The following ATXN7L1 variants were observed in gnomAD, a reference collection of about 807,000 sequenced individuals.
ATXN7L1 encodes ataxin-7-like protein 1.
A neutral mutation model predicts 70.8 loss-of-function variants in ATXN7L1; 15 were observed. The observed-to-expected ratio is 0.21, with a 90% confidence interval of 0.14 to 0.33. ATXN7L1 has a LOEUF of 0.33. Among genes scored for constraint, ATXN7L1 ranks in the 10% least tolerant of loss-of-function variants. The pLI is 1.00. For missense variants in ATXN7L1, 975 were observed against 1,097.1 expected (o/e 0.89, Z 1.57); for synonymous variants, 440 against 445.1 (o/e 0.99, Z 0.14).
intron 3 of ATXN7L1, among the ~76,000 whole-genome samples, chr7:105,740,820 G>A (rs941685508): frequency 6.4e-5 from 8 of 124,960 alleles, no homozygotes; most frequent in African/African-American, 1.3e-4. Context: ...GCTGGAGTGC[G>A]GTGGTGCGAT....
At chr7:105,816,118 G>A (rs1206088707) in intron 2 of ATXN7L1, among the ~76,000 whole-genome samples, 1 of 152,130 alleles carries the variant, frequency 6.6e-6, no homozygotes, top group Non-Finnish European at 1.5e-5. Context: ...GTGAGGGTGG[G>A]TGGTACAAGA....
intron 4 of ATXN7L1, among the ~76,000 whole-genome samples, chr7:105,662,106 CT>C (rs768527097): frequency 0.055 from 4,101 of 74,612 alleles, 248 homozygotes; most frequent in African/African-American, 0.17. Context: ...CTTTTCTTTT[CT>C]TTTTTTTTTT....
At position 105,724,264 on chromosome 7, in the gene ATXN7L1, C is replaced by T. The variant is rs1011430797; in HGVS notation, c.356-58976G>A. On this transcript the variant is annotated intron_variant, in intron 3 of 11. Coordinates refer to ENST00000419735, the MANE Select transcript of ATXN7L1 (RefSeq NM_020725.2). ...GTGTGAAAGCTGATAATTTTCTGTGCTGCTGTTTAATCAGAAATGGAAATT... is the reference window on the plus strand; with the variant it reads ...GTGTGAAAGCTGATAATTTTCTGTGTTGCTGTTTAATCAGAAATGGAAATT... Among the ~76,000 whole-genome samples, 9 of 152,240 alleles carry T rather than the reference C, an allele frequency of 5.9e-5. No homozygotes were observed. The East Asian group carries it at 1.7e-3, about 29-fold the overall frequency.
At chr7:105,838,421 A>G (rs1481891987) in intron 2 of ATXN7L1, among the ~76,000 whole-genome samples, 1 of 152,240 alleles carries the variant, frequency 6.6e-6, no homozygotes, top group Admixed American at 6.5e-5. Flanking sequence ...ACTTTCAGCC[A>G]GAATTTCACA....
intron 3 of ATXN7L1, among the ~76,000 whole-genome samples, chr7:105,784,684 A>T (rs373362912): frequency 1.3e-5 from 2 of 152,192 alleles, no homozygotes; most frequent in East Asian, 3.9e-4. Context: ...TAAGCCTCAC[A>T]TCAGTCACAT....
At chr7:105,669,919 C>CAAA (rs756313448) in intron 3 of ATXN7L1, among the ~76,000 whole-genome samples, 5 of 71,266 alleles carry the variant, frequency 7.0e-5, no homozygotes, top group African/African-American at 1.0e-4. Flanking sequence ...AACTCCATCT[C>CAAA]AAAAAAAAAA....
intron 2 of ATXN7L1, among the ~76,000 whole-genome samples, chr7:105,808,766 G>T (rs1807986894): frequency 6.6e-6 from 1 of 152,206 alleles, no homozygotes; most frequent in East Asian, 1.9e-4. Flanking sequence ...CAGATCAAGT[G>T]CCCCTTCCAG....
At chr7:105,699,757 C>G (rs932095515) in intron 3 of ATXN7L1, among the ~76,000 whole-genome samples, 3 of 152,166 alleles carry the variant, frequency 2.0e-5, no homozygotes, top group African/African-American at 7.2e-5. Context: ...GCCCCATCAT[C>G]ATGGGTGGTG....
At chr7:105,845,114 A>T (rs1331075912) in intron 2 of ATXN7L1, among the ~76,000 whole-genome samples, 1 of 140,902 alleles carries the variant, frequency 7.1e-6, no homozygotes, top group Non-Finnish European at 1.5e-5. Context: ...CTGAGGCAGG[A>T]GGATTGCTTG....
chr7:105,609,934 G>A (rs953384053), intron 11 of ATXN7L1, among the ~76,000 whole-genome samples: 9 of 152,024 alleles, frequency 5.9e-5, no homozygotes, highest in African/African-American at 2.2e-4. Context: ...ACCACGCCCG[G>A]TTACTTTTTG....
intron 4 of ATXN7L1, chr7:105,649,334 C>G: frequency 9.2e-6 from 9 of 980,676 alleles, no homozygotes; most frequent in Non-Finnish European, 1.1e-5. Context: ...ACCTCTGTCT[C>G]GGTCCTGGGA....
intron 2 of ATXN7L1, among the ~76,000 whole-genome samples, chr7:105,801,476 C>A (rs981722258): frequency 1.4e-4 from 22 of 152,318 alleles, no homozygotes; most frequent in African/African-American, 4.8e-4. Context: ...TAAACTTAGC[C>A]AATCATTGTC....
chr7:105,745,641 G>A (rs1426801095), intron 3 of ATXN7L1, among the ~76,000 whole-genome samples: 1 of 152,192 alleles, frequency 6.6e-6, no homozygotes, highest in Admixed American at 6.5e-5. Context: ...GCATGGCCAC[G>A]CAATGCAAGA....
At chr7:105,722,866 C>A (rs1795361816) in intron 3 of ATXN7L1, among the ~76,000 whole-genome samples, 1 of 151,906 alleles carries the variant, frequency 6.6e-6, no homozygotes. Flanking sequence ...GCCTGGGCGA[C>A]AGGGTGAGAC....
chr7:105,835,774 T>C (rs922350780), intron 2 of ATXN7L1, among the ~76,000 whole-genome samples: 2 of 152,174 alleles, frequency 1.3e-5, no homozygotes, highest in African/African-American at 4.8e-5. Context: ...TCTTAAAGGA[T>C]AGAAAAACCC....
chr7:105,645,373 G>C (rs1798832534), intron 4 of ATXN7L1, among the ~76,000 whole-genome samples: 1 of 152,100 alleles, frequency 6.6e-6, no homozygotes, highest in African/African-American at 2.4e-5. Context: ...TAAAAATACA[G>C]ATCAGAGGCT....
intron 2 of ATXN7L1, among the ~76,000 whole-genome samples, chr7:105,827,132 A>G (rs1157083576): frequency 6.6e-6 from 1 of 152,212 alleles, no homozygotes; most frequent in African/African-American, 2.4e-5. Flanking sequence ...CTTTGCTGGC[A>G]TAAGCAAGCT....
At chr7:105,609,761 G>C (rs1365739664) in intron 11 of ATXN7L1, among the ~76,000 whole-genome samples, 4 of 151,464 alleles carry the variant, frequency 2.6e-5, no homozygotes, top group African/African-American at 7.3e-5. Context: ...TGCCTGGCTG[G>C]CAAGTCCCTT....
chr7:105,847,276 C>T (rs184076426), intron 2 of ATXN7L1, among the ~76,000 whole-genome samples: 5 of 152,202 alleles, frequency 3.3e-5, no homozygotes, highest in Non-Finnish European at 7.4e-5. Flanking sequence ...TGGGTGAGAA[C>T]ATTGGGAGTT....
Sources: allele counts gnomAD v4.1 joint callset (sites outside exome capture counted in the v4.1 genomes callset), GRCh38; gene constraint gnomAD v4.1.1; transcripts MANE v1.5; gene names NCBI Gene and HGNC (gene_info 2026-07-23, HGNC 2026-07-21).